The following SULF2 variants were observed in gnomAD, a reference collection of about 807,000 sequenced individuals.
The protein encoded by SULF2 is sulfatase 2.
In SULF2, 52 loss-of-function variants were observed where a neutral mutation model predicts 107.7. The ratio of observed to expected loss-of-function variants is 0.48; its 90% CI spans 0.39 to 0.61. SULF2 has a LOEUF of 0.61. SULF2 is among the 20% of genes least tolerant of loss of function. The pLI is 0.00. For synonymous variants in SULF2, 460 were observed against 464.3 expected (o/e 0.99, Z 0.12); for missense variants, 993 against 1,177.3 (o/e 0.84, Z 2.29).
intron 11 of SULF2, among the ~76,000 whole-genome samples, chr20:47,669,523 G>T (rs2087392303): frequency 6.6e-6 from 1 of 152,218 alleles, no homozygotes; most frequent in Non-Finnish European, 1.5e-5. Context: ...TCCCCTGGGG[G>T]ACAGAAAGCC....
intron 11 of SULF2, among the ~76,000 whole-genome samples, chr20:47,671,403 T>G (rs1273886387): frequency 6.6e-6 from 1 of 151,106 alleles, no homozygotes; most frequent in Non-Finnish European, 1.5e-5. Context: ...GCTCCCGGGT[T>G]CAAGCGACTC....
intron 2 of SULF2, 133 bp from the exon 3 acceptor site, chr20:47,737,075 G>A: frequency 7.5e-7 from 1 of 1,329,876 alleles, no homozygotes; most frequent in Non-Finnish European, 1.0e-6. Context: ...AGACGGGGCA[G>A]GGGCCACTGC....
At chr20:47,752,777 G>C (rs991150512) in intron 2 of SULF2, among the ~76,000 whole-genome samples, 43 of 151,636 alleles carry the variant, frequency 2.8e-4, no homozygotes, top group African/African-American at 1.0e-3. Context: ...TAAAAATAAA[G>C]ATGTTCTGAG....
At chr20:47,781,652 TG>T (rs1443984491) in intron 1 of SULF2, among the ~76,000 whole-genome samples, 1 of 152,128 alleles carries the variant, frequency 6.6e-6, no homozygotes, top group African/African-American at 2.4e-5. Context: ...AAGGCTCACC[TG>T]GGTCAGACGC....
intron 2 of SULF2, among the ~76,000 whole-genome samples, chr20:47,755,692 C>A (rs565668280): frequency 2.6e-5 from 4 of 152,162 alleles, no homozygotes; most frequent in African/African-American, 4.8e-5. Context: ...CTTACCCCTG[C>A]GATTTAATTT....
Position 47,665,871 on chromosome 20 carries a change from GC to G in SULF2, c.1887del (p.His630ThrfsTer16). 6.2e-7 allele frequency: 1 copy of G among 1,613,964 alleles called. No homozygotes were observed. Among genetic ancestry groups the G allele is most frequent in the Non-Finnish European group, 8.5e-7 (1 of 1,179,948 alleles). ...KSLQAWKDHK[L>X]HIDHEIETLQ... ...TCTCCACTCACCTCGTGGTCGATGT[GC>G]AGCTTGTGGTCTTTCCAGGCCTGCA... On this transcript the variant is annotated frameshift_variant, in exon 13 of 21. Transcript: ENST00000688720. LOFTEE classifies it high-confidence loss of function.
chr20:47,772,739 A>G (rs981625862), intron 1 of SULF2, among the ~76,000 whole-genome samples: 4 of 152,100 alleles, frequency 2.6e-5, no homozygotes, highest in African/African-American at 7.2e-5. Context: ...TGACCTGCTT[A>G]TGATGAGATC....
Position 47,661,855 on chromosome 20 carries a change from G to T in SULF2, c.2412C>A (p.Asn804Lys), listed in dbSNP as rs1319684839. ...AVNTLDRDVL[N>K]QLHVQLMELR... ...GCTCCATGAGCTGTACGTGTAGCTGGTTGAGGACATCCCTGTCCAGTGTGT... is the reference window on the plus strand; with the variant it reads ...GCTCCATGAGCTGTACGTGTAGCTGTTTGAGGACATCCCTGTCCAGTGTGT... The change falls in exon 18 of 21, where the codon AAC becomes AAA. Residue 804 changes from asparagine (N) to lysine (K), a missense_variant. Physicochemically the swap from Asn to Lys is moderately conservative, Grantham distance 94. Around this residue, in one of 3 missense-constraint regions of SULF2, gnomAD observed 497 missense variants for 544.1 expected, o/e 0.91. Coordinates refer to ENST00000688720, the MANE Select transcript of SULF2 (RefSeq NM_001387048.1). The T allele has an allele frequency of 6.3e-7, 1 of 1,594,510 alleles. No individual in the cohort carries two copies. Among genetic ancestry groups the T allele is most frequent in the Non-Finnish European group, 8.6e-7 (1 of 1,166,976 alleles).
At chr20:47,739,822 A>T (rs62201715) in intron 2 of SULF2, among the ~76,000 whole-genome samples, 1 of 152,182 alleles carries the variant, frequency 6.6e-6, no homozygotes, top group South Asian at 2.1e-4. Flanking sequence ...TCGGGTTTTC[A>T]TATCTCAGGA....
chr20:47,740,002 A>G (rs2089840001), intron 2 of SULF2, among the ~76,000 whole-genome samples: 1 of 151,992 alleles, frequency 6.6e-6, no homozygotes, highest in Non-Finnish European at 1.5e-5. Context: ...TACCTGCCCG[A>G]CCCCTGAAGG....
At chr20:47,687,262 G>A (rs567218775) in intron 5 of SULF2, among the ~76,000 whole-genome samples, 132 of 152,194 alleles carry the variant, frequency 8.7e-4, no homozygotes, top group Middle Eastern at 3.4e-3. Context: ...GTGGTGCTTG[G>A]GGTCGACGCC....
At position 47,666,697 on chromosome 20, in the gene SULF2, GA is replaced by G. The variant is rs1225725417; in HGVS notation, c.1577-210del. Among the ~76,000 whole-genome samples the G allele has an allele frequency of 6.6e-6, 1 of 152,234 alleles. No homozygotes were observed. The highest frequency in any genetic ancestry group is 2.4e-5 in the African/African-American group (1 of 41,468). The stretch of plus-strand genomic sequence containing the variant: ...TCGAGGTGATCACACCGGCAAGACG[GA>G]AGTCCTGGAGCCAAGAAGCCACTGA... On this transcript the variant is annotated intron_variant, in intron 11 of 20. Transcript: ENST00000688720. This position sits in a 1 kb window ranked among gnomAD's most constrained non-coding sequence, Gnocchi z 5.4.
chr20:47,737,765 T>TG (rs1196284974), intron 2 of SULF2, among the ~76,000 whole-genome samples: 9 of 135,320 alleles, frequency 6.7e-5, no homozygotes, highest in Non-Finnish European at 1.4e-4. Flanking sequence ...GTTTTTTTTT[T>TG]TTTTTTTTTT....
intron 5 of SULF2, chr20:47,686,023 G>A (rs554939640): frequency 6.6e-6 from 1 of 152,448 alleles, no homozygotes; most frequent in East Asian, 1.9e-4. Context: ...TACCCAAGGA[G>A]AATACAGACA....
intron 4 of SULF2, among the ~76,000 whole-genome samples, chr20:47,695,025 A>G (rs1373477058): frequency 6.6e-6 from 1 of 152,226 alleles, no homozygotes; most frequent in Non-Finnish European, 1.5e-5. Context: ...CACAGATAAC[A>G]TTATTAATGA....
rs141700372 is a variant in SULF2 at position 47,694,733 on chromosome 20, C to T, written c.568-4438G>A. Among the ~76,000 whole-genome samples the T allele has an allele frequency of 3.3e-4, 50 of 152,352 alleles. No homozygotes were observed. Among genetic ancestry groups the T allele is most frequent in the African/African-American group, 1.0e-3 (43 of 41,588 alleles). ...CTCAGCCCTAGGCAAAAGCGTGTTTCCCTCGAGTGGGCACTCCGCACCGGG... is the reference window on the plus strand; with the variant it reads ...CTCAGCCCTAGGCAAAAGCGTGTTTTCCTCGAGTGGGCACTCCGCACCGGG... On this transcript the variant is annotated intron_variant, in intron 4 of 20. Coordinates refer to ENST00000688720, the MANE Select transcript of SULF2 (RefSeq NM_001387048.1). This position sits in a 1 kb window ranked among gnomAD's most constrained non-coding sequence, Gnocchi z 4.4.
intron 3 of SULF2, among the ~76,000 whole-genome samples, chr20:47,730,746 C>A (rs66885530): frequency 0.041 from 6,179 of 152,324 alleles, 172 homozygotes; most frequent in Middle Eastern, 0.11. Context: ...CTGTGCCCGG[C>A]CAGCTGATGT....
chr20:47,754,949 C>T (rs1327678209), intron 2 of SULF2, among the ~76,000 whole-genome samples: 1 of 152,194 alleles, frequency 6.6e-6, no homozygotes, highest in Non-Finnish European at 1.5e-5. Flanking sequence ...GATCCTCCAC[C>T]TCAGCCTCCC....
intron 2 of SULF2, among the ~76,000 whole-genome samples, chr20:47,752,920 G>T (rs2090191248): frequency 6.6e-6 from 1 of 151,958 alleles, no homozygotes; most frequent in South Asian, 2.1e-4. Context: ...GGCCAACATG[G>T]CGAAACCCTG....
Sources: allele counts gnomAD v4.1 joint callset (sites outside exome capture counted in the v4.1 genomes callset), GRCh38; gene constraint gnomAD v4.1.1; regional missense constraint gnomAD v4.1.1; non-coding constraint Gnocchi (gnomAD v3.1); transcripts MANE v1.5; gene names NCBI Gene and HGNC (gene_info 2026-07-23, HGNC 2026-07-21).